The following AFG2A variants were observed in gnomAD, a reference collection of about 807,000 sequenced individuals.
AFG2A encodes AAA ATPase AFG2A.
chr4:123,135,897 G>A, the AFG2A span, among the ~76,000 whole-genome samples: 5 of 152,064 alleles, frequency 3.3e-5, no homozygotes, highest in Non-Finnish European at 5.9e-5. Flanking sequence ...CAATAAAGTT[G>A]CAGGGTACAA....
the AFG2A span, among the ~76,000 whole-genome samples, chr4:122,970,008 T>C: frequency 6.9e-3 from 1,051 of 152,290 alleles, 9 homozygotes; most frequent in Non-Finnish European, 0.012. Flanking sequence ...ATAACCATTG[T>C]AAAGTAGTAG....
At chr4:123,206,399 C>A in the AFG2A span, among the ~76,000 whole-genome samples, 1 of 151,922 alleles carries the variant, frequency 6.6e-6, no homozygotes, top group African/African-American at 2.4e-5. Context: ...TTTTTATTTC[C>A]TGGTTTATTT....
the AFG2A span, among the ~76,000 whole-genome samples, chr4:123,131,905 T>C: frequency 3.6e-5 from 2 of 55,220 alleles, no homozygotes; most frequent in African/African-American, 6.2e-5. Flanking sequence ...CATACTATTT[T>C]CCACAGCAGC....
At chr4:123,105,914 A>C in the AFG2A span, among the ~76,000 whole-genome samples, 1 of 152,232 alleles carries the variant, frequency 6.6e-6, no homozygotes, top group Non-Finnish European at 1.5e-5. Context: ...ATATCGTGTA[A>C]GTTTAGTTGT....
chr4:123,037,091 C>A, the AFG2A span, among the ~76,000 whole-genome samples: 1 of 151,870 alleles, frequency 6.6e-6, no homozygotes, highest in Non-Finnish European at 1.5e-5. Context: ...ATAAAAACTT[C>A]ATTTGAATTG....
the AFG2A span, among the ~76,000 whole-genome samples, chr4:123,310,403 G>T: frequency 1.3e-5 from 2 of 152,278 alleles, no homozygotes; most frequent in South Asian, 2.1e-4. Context: ...TGTAATCCGT[G>T]TTTTCTTTCT....
At chr4:123,128,230 G>A in the AFG2A span, among the ~76,000 whole-genome samples, 3 of 152,048 alleles carry the variant, frequency 2.0e-5, no homozygotes, top group Non-Finnish European at 2.9e-5. Flanking sequence ...TTTTCCTTCC[G>A]TTTATTAACT....
At chr4:123,298,101 GTGCA>G in the AFG2A span, among the ~76,000 whole-genome samples, 1 of 89,744 alleles carries the variant, frequency 1.1e-5, no homozygotes, top group Admixed American at 1.3e-4. Context: ...ACATGCATGC[GTGCA>G]TACACATACA....
chr4:123,124,354 T>G, the AFG2A span, among the ~76,000 whole-genome samples: 4 of 152,098 alleles, frequency 2.6e-5, no homozygotes, highest in Admixed American at 6.6e-5. Context: ...TGGATAAAAC[T>G]GGAAACCAAC....
chr4:123,035,803 C>A, the AFG2A span, among the ~76,000 whole-genome samples: 1 of 151,662 alleles, frequency 6.6e-6, no homozygotes, highest in African/African-American at 2.4e-5. Context: ...AGAACTATAA[C>A]AAAACCTTTA....
the AFG2A span, among the ~76,000 whole-genome samples, chr4:123,060,900 A>G: frequency 6.6e-6 from 1 of 152,138 alleles, no homozygotes; most frequent in Non-Finnish European, 1.5e-5. Context: ...CTGCTTAGAA[A>G]TTTCTTCCAC....
the AFG2A span, chr4:123,319,041 C>A: frequency 6.6e-6 from 1 of 152,110 alleles, no homozygotes; most frequent in Non-Finnish European, 1.5e-5. Flanking sequence ...CTTCTTACAA[C>A]AAAACTTAGA....
chr4:123,093,826 A>G, the AFG2A span, among the ~76,000 whole-genome samples: 1 of 152,224 alleles, frequency 6.6e-6, no homozygotes, highest in African/African-American at 2.4e-5. Flanking sequence ...GCCTTGTGCC[A>G]GCATCATCTT....
chr4:123,241,542 T>C, the AFG2A span, among the ~76,000 whole-genome samples: 2 of 152,120 alleles, frequency 1.3e-5, no homozygotes, highest in Non-Finnish European at 2.9e-5. Context: ...CACATGATTA[T>C]CTCAATAGAT....
chr4:122,934,580 C>T, the AFG2A span: 1 of 1,613,812 alleles, frequency 6.2e-7, no homozygotes, highest in African/African-American at 1.3e-5. Context: ...TCTTCAACAA[C>T]AAGAGTCAAT....
the AFG2A span, among the ~76,000 whole-genome samples, chr4:122,942,350 G>A: frequency 7.3e-5 from 11 of 150,742 alleles, no homozygotes; most frequent in Non-Finnish European, 1.0e-4. Context: ...CTTCTTCCTG[G>A]TTTAGTCTTG....
At chr4:123,106,497 C>T in the AFG2A span, among the ~76,000 whole-genome samples, 2 of 150,946 alleles carry the variant, frequency 1.3e-5, no homozygotes, top group Non-Finnish European at 1.5e-5. Context: ...TGGGGTATAC[C>T]CAAACCACCC....
At chr4:123,092,535 ATTG>A in the AFG2A span, among the ~76,000 whole-genome samples, 1 of 152,148 alleles carries the variant, frequency 6.6e-6, no homozygotes, top group South Asian at 2.1e-4. Flanking sequence ...TAGTGCTTGT[ATTG>A]TTGTTTTCTT....
chr4:123,032,486 G>A, the AFG2A span, among the ~76,000 whole-genome samples: 4 of 152,194 alleles, frequency 2.6e-5, no homozygotes, highest in East Asian at 3.9e-4. Flanking sequence ...TCTGCCTCCC[G>A]GGTTCAAGCA....
Sources: allele counts gnomAD v4.1 joint callset (sites outside exome capture counted in the v4.1 genomes callset), GRCh38; gene constraint gnomAD v4.1.1; transcripts MANE v1.5; gene names NCBI Gene and HGNC (gene_info 2026-07-23, HGNC 2026-07-21).